Variants in HNF1B observed in about 807,000 individuals in gnomAD.
The protein encoded by HNF1B is hepatocyte nuclear factor 1-beta.
HNF1B carries 8 observed loss-of-function variants against 61.7 expected under a neutral mutation model. That is an observed-to-expected ratio of 0.13 (90% confidence interval 0.08 to 0.23). HNF1B has a LOEUF of 0.23. HNF1B is among the 10% of genes least tolerant of loss of function. The pLI is 1.00. For missense variants in HNF1B, 562 were observed against 714.5 expected, an observed-to-expected ratio of 0.79 and a Z score of 2.43; for synonymous variants, 314 against 287.7, an observed-to-expected ratio of 1.09 and a Z score of -0.93.
chr17:37,742,423 G>A (rs2034021379), intron 1 of HNF1B, among the ~76,000 whole-genome samples: 1 of 152,206 alleles, frequency 6.6e-6, no homozygotes, highest in South Asian at 2.1e-4. Context: ...CTTTCTCTTT[G>A]CTTTTCGTCT....
chr17:37,703,859 G>A (rs1159082705), intron 6 of HNF1B, among the ~76,000 whole-genome samples: 1 of 152,204 alleles, frequency 6.6e-6, no homozygotes, highest in Non-Finnish European at 1.5e-5. Context: ...CTCTTCAGAA[G>A]TGAGAATCCA....
chr17:37,744,660 G>A lies in HNF1B; in HGVS notation c.225C>T (p.Ser75=). 20 of 1,613,182 alleles carry A rather than the reference G, an allele frequency of 1.2e-5. No individual in the cohort carries two copies. Among genetic ancestry groups the A allele is most frequent in the Non-Finnish European group, 1.4e-5 (16 of 1,180,020 alleles). The change falls in exon 1 of 9, where the codon TCC becomes TCT. Residue 75 remains serine, a synonymous_variant. Transcript: ENST00000617811. ...LTNGHAKGRL[S]GDEGSEDGDD... Reference sequence around the variant, plus strand: ...CGCCGTCCTCGGAGCCCTCGTCGCCGGACAAGCGGCCCTTGGCGTGGCCGT... The same window carrying A: ...CGCCGTCCTCGGAGCCCTCGTCGCCAGACAAGCGGCCCTTGGCGTGGCCGT...
chr17:37,708,227 A>G (rs2032815612), intron 5 of HNF1B, among the ~76,000 whole-genome samples: 1 of 152,182 alleles, frequency 6.6e-6, no homozygotes, highest in Non-Finnish European at 1.5e-5. Context: ...ATGTTATTAT[A>G]TTAACAAGAA....
intron 1 of HNF1B, among the ~76,000 whole-genome samples, chr17:37,742,699 G>T (rs1277900043): frequency 6.6e-6 from 1 of 151,930 alleles, no homozygotes; most frequent in Non-Finnish European, 1.5e-5. Flanking sequence ...TTTGGGGAGG[G>T]AAGAGCGGGG....
intron 4 of HNF1B, among the ~76,000 whole-genome samples, chr17:37,725,505 G>A (rs147504596): frequency 5.6e-4 from 86 of 152,286 alleles, no homozygotes; most frequent in African/African-American, 1.8e-3. Context: ...CTGATGGGGT[G>A]GTACCCACAA....
In HNF1B at chr17:37,745,051, A is replaced by T; in HGVS notation, c.-167T>A. ...CGGAGGCTCCTCCGAAAGGAGTCAG[A>T]AAACTTCTAACTTGCCATGATCGCC... On this transcript the variant is annotated 5_prime_UTR_variant, in exon 1 of 9. Coordinates refer to ENST00000617811, the MANE Select transcript of HNF1B (RefSeq NM_000458.4). 6.4e-6 allele frequency: 4 copies of T among 628,172 alleles called. No individual in the cohort carries two copies. The highest frequency in any genetic ancestry group is 1.1e-5 in the Non-Finnish European group (4 of 356,196). The allele number at this position is 628,172 out of a possible 1,614,324, so 38.9% of individuals were successfully genotyped here.
At chr17:37,727,883 G>C (rs3786127) in intron 4 of HNF1B, among the ~76,000 whole-genome samples, 18,730 of 152,114 alleles carry the variant, frequency 0.12, 1,438 homozygotes, top group South Asian at 0.24. Flanking sequence ...AGGGGAGAGC[G>C]TGGAGAGTGG....
chr17:37,725,943 G>T (rs56942917), intron 4 of HNF1B, among the ~76,000 whole-genome samples: 12,030 of 152,280 alleles, frequency 0.079, 1,585 homozygotes, highest in African/African-American at 0.27. Flanking sequence ...TCATGAAAGA[G>T]GGGGCTTTGA....
intron 6 of HNF1B, among the ~76,000 whole-genome samples, chr17:37,701,737 C>T (rs1329268770): frequency 6.6e-6 from 1 of 152,174 alleles, no homozygotes; most frequent in Non-Finnish European, 1.5e-5. Flanking sequence ...GGTGCCAACT[C>T]CCTTGACTGT....
At chr17:37,710,992 T>C (rs1319444398) in intron 4 of HNF1B, among the ~76,000 whole-genome samples, 2 of 152,386 alleles carry the variant, frequency 1.3e-5, no homozygotes, top group East Asian at 3.9e-4. Context: ...CTGTTTGTTA[T>C]TGCTTCCGCA....
At chr17:37,731,877 A>C in intron 3 of HNF1B, 47 bp from the exon 4 acceptor site, 1 of 1,290,046 alleles carries the variant, frequency 7.8e-7, no homozygotes, top group Non-Finnish European at 1.1e-6. Flanking sequence ...GGGCGGGGGG[A>C]CTTGTTGGTG....
Position 37,687,242 on chromosome 17 carries a change from G to T in HNF1B, c.*130C>A. The T allele has an allele frequency of 6.7e-7, 1 of 1,484,764 alleles. No homozygotes were observed. The highest frequency in any genetic ancestry group is 9.3e-7 in the Non-Finnish European group (1 of 1,069,824). The allele number at this position is 1,484,764 out of a possible 1,614,324, so 92.0% of individuals were successfully genotyped here. A position where few individuals can be genotyped will look rare whatever the true frequency, so the allele number is the denominator to read the frequency against. On this transcript the variant is annotated 3_prime_UTR_variant, in exon 9 of 9. Transcript: ENST00000617811. Reference sequence around the variant, plus strand: ...TGTCTGAGGTGCCAGCAGGACGTCCGTCAGGTAAGCAGGGACCTCTCGCAG... The same window carrying T: ...TGTCTGAGGTGCCAGCAGGACGTCCTTCAGGTAAGCAGGGACCTCTCGCAG...
intron 4 of HNF1B, among the ~76,000 whole-genome samples, chr17:37,711,794 T>G (rs1177277246): frequency 6.6e-6 from 1 of 152,190 alleles, no homozygotes; most frequent in African/African-American, 2.4e-5. Flanking sequence ...ACCAACTCTT[T>G]AGCTGCACGT....
intron 5 of HNF1B, among the ~76,000 whole-genome samples, chr17:37,710,083 C>A (rs1259717541): frequency 6.6e-6 from 1 of 152,124 alleles, no homozygotes; most frequent in Non-Finnish European, 1.5e-5. Flanking sequence ...TTGTCAGTAC[C>A]AAGGGGATGG....
rs1568628601 is a variant in HNF1B at position 37,687,400 on chromosome 17, G to C, written c.1654-8C>G. On this transcript the variant is annotated splice_polypyrimidine_tract_variant and splice_region_variant and intron_variant, in intron 8 of 8. Coordinates refer to ENST00000617811, the MANE Select transcript of HNF1B (RefSeq NM_000458.4). ...CCAGGCTTGTAGAGGACACTGCAGA[G>C]AGAGAGGAGAGAGGGTGCTCAGCTG... 1.8e-5 allele frequency: 29 copies of C among 1,600,462 alleles called. No individual in the cohort carries two copies. The highest frequency in any genetic ancestry group is 2.5e-5 in the Non-Finnish European group (29 of 1,167,972).
intron 1 of HNF1B, 111 bp from the exon 2 acceptor site, chr17:37,739,750 C>T (rs2033938115): frequency 1.9e-6 from 2 of 1,038,384 alleles, no homozygotes; most frequent in Admixed American, 2.0e-5. Flanking sequence ...ATTTTCCCCC[C>T]ATCTAAGCTA....
At chr17:37,710,476 G>C (rs1327674281) in intron 5 of HNF1B, 27 bp downstream of exon 5, 1 of 1,613,744 alleles carries the variant, frequency 6.2e-7, no homozygotes. Flanking sequence ...ATCAGCTCCA[G>C]AGCGACAATG....
At chr17:37,690,204 C>T (rs1029031792) in intron 8 of HNF1B, among the ~76,000 whole-genome samples, 3 of 152,060 alleles carry the variant, frequency 2.0e-5, no homozygotes, top group African/African-American at 7.2e-5. Flanking sequence ...TAAAAATGCA[C>T]AGAAAAAAAG....
chr17:37,703,959 C>T (rs539665147), intron 6 of HNF1B, among the ~76,000 whole-genome samples: 1 of 152,172 alleles, frequency 6.6e-6, no homozygotes, highest in South Asian at 2.1e-4. Context: ...CAACATGAGC[C>T]CTAGATACAA....
Sources: allele counts gnomAD v4.1 joint callset (sites outside exome capture counted in the v4.1 genomes callset), GRCh38; gene constraint gnomAD v4.1.1; transcripts MANE v1.5; gene names NCBI Gene and HGNC (gene_info 2026-07-23, HGNC 2026-07-21).